Variants in WWC1 observed in about 807,000 individuals in gnomAD.
WWC1 encodes the protein protein KIBRA.
A neutral mutation model predicts 138.4 loss-of-function variants in WWC1; 55 were observed. That is an observed-to-expected ratio of 0.40 (90% confidence interval 0.32 to 0.50). The LOEUF is 0.50. WWC1 is among the 20% of genes least tolerant of loss of function. WWC1 has a pLI of 0.72. For synonymous variants in WWC1, 524 were observed against 564.9 expected (o/e 0.93, Z 1.03); for missense variants, 1,226 against 1,420.4 (o/e 0.86, Z 2.20).
intron 1 of WWC1, among the ~76,000 whole-genome samples, chr5:168,364,579 C>T (rs1313647655): frequency 3.3e-5 from 5 of 152,206 alleles, no homozygotes; most frequent in East Asian, 1.9e-4. Context: ...CTTCTTCAAG[C>T]GTCTGAGCCC....
At chr5:168,420,310 C>G (rs1004031007) in intron 9 of WWC1, among the ~76,000 whole-genome samples, 1 of 152,188 alleles carries the variant, frequency 6.6e-6, no homozygotes, top group Admixed American at 6.5e-5. Context: ...TGTAGGTGGC[C>G]TCCTCCTCCC....
chr5:168,295,315 A>G (rs1769437936), intron 1 of WWC1, among the ~76,000 whole-genome samples: 1 of 152,038 alleles, frequency 6.6e-6, no homozygotes, highest in African/African-American at 2.4e-5. Flanking sequence ...AGAAGGGGGA[A>G]CAGGGATGGG....
At chr5:168,325,665 A>G (rs1338204944) in intron 1 of WWC1, among the ~76,000 whole-genome samples, 3 of 152,222 alleles carry the variant, frequency 2.0e-5, no homozygotes, top group Non-Finnish European at 4.4e-5. Context: ...GTGGTAAAAT[A>G]TACATAACAT....
chr5:168,467,925 G>C lies in WWC1; in HGVS notation c.3236G>C (p.Gly1079Ala), dbSNP rs1393541811. ...GCCAAGGATGTGCACAGGCTCCGAG[G>C]CCAGAGCTGTAAGGAACCCCCAGAA... ...AAAKDVHRLR[G>A]QSCKEPPEVQ... The change falls in exon 22 of 23, where the codon GGC becomes GCC. Residue 1079 changes from glycine (G) to alanine (A), a missense_variant. By Grantham distance (60) the Gly-to-Ala change is moderately conservative. This residue lies in a region of WWC1 where 206 missense variants were observed against 247.4 expected (regional missense o/e 0.83). Coordinates refer to ENST00000265293, the MANE Select transcript of WWC1 (RefSeq NM_015238.3). 1 of 1,614,106 alleles carries C rather than the reference G, an allele frequency of 6.2e-7. No homozygotes were observed.
In WWC1 at chr5:168,292,181, A is replaced by C; in HGVS notation, c.29A>C (p.Glu10Ala). ...CCCCGGCCGGAGCTGCCCCTGCCGG[A>C]GGGCTGGGAGGAGGCGCGCGACTTC... MPRPELPLPEGWEEARDFDG... is the reference protein window; with the variant it reads MPRPELPLPAGWEEARDFDG... The change falls in exon 1 of 23, where the codon GAG (glutamate) becomes GCG (alanine). Residue 10 changes from glutamate to alanine, a missense_variant. Physicochemically the swap from Glu to Ala is moderately radical, Grantham distance 107 (BLOSUM62 -1). Coordinates refer to ENST00000265293, the MANE Select transcript of WWC1 (RefSeq NM_015238.3). The surrounding 1 kb of genome is among the most constrained non-coding windows in gnomAD (Gnocchi z 4.4). 1.3e-6 allele frequency: 2 copies of C among 1,547,238 alleles called. No homozygotes were observed. The highest frequency in any genetic ancestry group is 1.2e-5 in the South Asian group (1 of 83,054).
At chr5:168,449,822 G>A (rs1336237251) in intron 17 of WWC1, among the ~76,000 whole-genome samples, 1 of 151,976 alleles carries the variant, frequency 6.6e-6, no homozygotes, top group Admixed American at 6.6e-5. Context: ...TGATCCACCT[G>A]CCTCAGCCTC....
At chr5:168,378,175 C>T (rs1350976774) in intron 2 of WWC1, among the ~76,000 whole-genome samples, 2 of 152,132 alleles carry the variant, frequency 1.3e-5, no homozygotes, top group African/African-American at 4.8e-5. Flanking sequence ...AATACAAGGA[C>T]AAACACTCAA....
At chr5:168,408,282 C>T (rs1331632170) in intron 6 of WWC1, among the ~76,000 whole-genome samples, 3 of 152,064 alleles carry the variant, frequency 2.0e-5, no homozygotes, top group Non-Finnish European at 4.4e-5. Flanking sequence ...GCTCCAGAGT[C>T]GGCATCCACA....
At chr5:168,427,692 G>A (rs1038097783) in intron 11 of WWC1, among the ~76,000 whole-genome samples, 8 of 150,838 alleles carry the variant, frequency 5.3e-5, no homozygotes, top group East Asian at 2.0e-4. Flanking sequence ...AGTCGCTGAC[G>A]CCTGTAATCC....
At chr5:168,467,815 T>C (rs1379290442) in intron 21 of WWC1, 25 bp from the exon 22 acceptor site, 2 of 1,614,058 alleles carry the variant, frequency 1.2e-6, no homozygotes, top group African/African-American at 2.7e-5. Flanking sequence ...CTCCACTGAC[T>C]CAGGGCCTTG....
At chr5:168,367,356 G>A (rs886335732) in intron 1 of WWC1, among the ~76,000 whole-genome samples, 3 of 151,922 alleles carry the variant, frequency 2.0e-5, no homozygotes, top group Non-Finnish European at 4.4e-5. Flanking sequence ...TTTTGAGACG[G>A]AGTCTTGCTC....
intron 17 of WWC1, among the ~76,000 whole-genome samples, chr5:168,451,495 AG>A (rs1755812344): frequency 6.6e-6 from 1 of 152,202 alleles, no homozygotes; most frequent in Non-Finnish European, 1.5e-5. Context: ...TCTTGAGGCC[AG>A]GAGTTCAAGA....
At chr5:168,423,172 A>AC (rs1781254542) in intron 10 of WWC1, among the ~76,000 whole-genome samples, 4 of 145,260 alleles carry the variant, frequency 2.8e-5, no homozygotes, top group Non-Finnish European at 1.5e-5. Context: ...AAAAAAAAAA[A>AC]CACAGTGAGT....
chr5:168,293,620 T>G (rs924906796), intron 1 of WWC1, among the ~76,000 whole-genome samples: 9 of 152,182 alleles, frequency 5.9e-5, no homozygotes, highest in African/African-American at 2.2e-4. Context: ...AGAGCATCTC[T>G]TAGGCAAGCT....
At chr5:168,460,782 T>G (rs993469712) in intron 20 of WWC1, 40 bp downstream of exon 20, 1 of 1,601,654 alleles carries the variant, frequency 6.2e-7, no homozygotes. Flanking sequence ...TGCCTGCTCC[T>G]CCCTCGTTGC....
chr5:168,305,542 T>C (rs1340869381), intron 1 of WWC1, among the ~76,000 whole-genome samples: 1 of 152,158 alleles, frequency 6.6e-6, no homozygotes, highest in Non-Finnish European at 1.5e-5. Context: ...TAAGCCAGGG[T>C]TGAATGCTCC....
chr5:168,370,197 C>T (rs778877764), intron 1 of WWC1, among the ~76,000 whole-genome samples: 5 of 152,298 alleles, frequency 3.3e-5, no homozygotes, highest in Middle Eastern at 3.4e-3. Flanking sequence ...CTGCGCTGGG[C>T]CCCGTTGCAC....
chr5:168,435,344 CCCT>C (rs1276759753), intron 15 of WWC1, among the ~76,000 whole-genome samples: 3 of 152,212 alleles, frequency 2.0e-5, no homozygotes, highest in African/African-American at 7.2e-5. Context: ...CTTCAATTTT[CCCT>C]CCTCCACTGG....
At chr5:168,439,763 C>A (rs1037429062) in intron 15 of WWC1, among the ~76,000 whole-genome samples, 1 of 152,020 alleles carries the variant, frequency 6.6e-6, no homozygotes, top group African/African-American at 2.4e-5. Context: ...GAGAATTATT[C>A]GGTCGAAGGG....
Sources: allele counts gnomAD v4.1 joint callset (sites outside exome capture counted in the v4.1 genomes callset), GRCh38; gene constraint gnomAD v4.1.1; regional missense constraint gnomAD v4.1.1; non-coding constraint Gnocchi (gnomAD v3.1); transcripts MANE v1.5; gene names NCBI Gene and HGNC (gene_info 2026-07-23, HGNC 2026-07-21).